VDR: variants seen among roughly 807,000 people sequenced by gnomAD.
VDR encodes the protein vitamin D3 receptor.
Under a neutral mutation model 39.7 loss-of-function variants are expected in VDR, and 19 were observed. That is an observed-to-expected ratio of 0.48 (90% confidence interval 0.33 to 0.70). VDR has a LOEUF of 0.70. Ranked by LOEUF, VDR falls within the 30% of genes least tolerant of loss-of-function variation. VDR has a pLI of 0.02. For synonymous variants in VDR, 242 were observed against 215.8 expected (o/e 1.12, Z -1.07); for missense variants, 442 against 570.5 (o/e 0.77, Z 2.29).
chr12:47,880,152 T>C (rs1946116227), intron 2 of VDR, among the ~76,000 whole-genome samples: 1 of 152,080 alleles, frequency 6.6e-6, no homozygotes, highest in South Asian at 2.1e-4. Flanking sequence ...TCATTACAGG[T>C]TTCAGTGACC....
chr12:47,901,767 A>G (rs1335446252), intron 1 of VDR, among the ~76,000 whole-genome samples: 1 of 152,160 alleles, frequency 6.6e-6, no homozygotes. Flanking sequence ...TGGCTCCACT[A>G]TGAACCCCAA....
At chr12:47,904,318 T>C (rs1946625940) in intron 1 of VDR, among the ~76,000 whole-genome samples, 1 of 151,834 alleles carries the variant, frequency 6.6e-6, no homozygotes, top group African/African-American at 2.4e-5. Flanking sequence ...CCAGGGCACC[T>C]CACTTTTCAA....
intron 4 of VDR, among the ~76,000 whole-genome samples, chr12:47,858,068 T>C (rs1945530753): frequency 8.8e-6 from 1 of 113,694 alleles, no homozygotes; most frequent in Non-Finnish European, 1.9e-5. Flanking sequence ...CCTTCCTCCA[T>C]AAAGTGTGTG....
intron 1 of VDR, among the ~76,000 whole-genome samples, chr12:47,894,404 G>T (rs1279856797): frequency 6.6e-6 from 1 of 152,252 alleles, no homozygotes; most frequent in Non-Finnish European, 1.5e-5. Context: ...TCAATTAAAA[G>T]ACTTGTGGGT....
intron 9 of VDR, among the ~76,000 whole-genome samples, chr12:47,846,069 C>T (rs1383381087): frequency 6.6e-6 from 1 of 152,234 alleles, no homozygotes; most frequent in Non-Finnish European, 1.5e-5. Context: ...CTGTCTGTGG[C>T]CCCAGGAACC....
intron 1 of VDR, chr12:47,899,933 G>A (rs11168293): frequency 1.0e-4 from 103 of 985,310 alleles, no homozygotes; most frequent in South Asian, 4.2e-4. Flanking sequence ...CCATTTCTCC[G>A]TCCAGCTGGG....
intron 7 of VDR, among the ~76,000 whole-genome samples, chr12:47,849,301 A>C (rs755275427): frequency 3.3e-5 from 5 of 152,316 alleles, no homozygotes; most frequent in Middle Eastern, 6.8e-3. Context: ...ATTGAAAAAA[A>C]ATCACAACGT....
intron 1 of VDR, chr12:47,904,603 C>T: frequency 6.5e-7 from 1 of 1,535,948 alleles, no homozygotes; most frequent in Non-Finnish European, 8.7e-7. Context: ...GACAGCCAAT[C>T]GCTCCTTTTC....
rs535822009 is a variant in VDR, at chr12:47,853,258, C to T, written c.755+2372G>A. Among the ~76,000 whole-genome samples the T allele has an allele frequency of 1.5e-3, 222 of 150,944 alleles. 1 individual carries two copies. Among genetic ancestry groups the T allele is most frequent in the South Asian group, 3.6e-3 (17 of 4,754 alleles). On this transcript the variant is annotated intron_variant, in intron 7 of 9. Transcript: ENST00000549336. ...GAGATCAAGACCATCCTGGCTAACA[C>T]GGTGAAACCCTGTCTCTACTAAAAA...
rs118107559 is a variant in VDR, at chr12:47,874,391, C to T, written c.146+4577G>A. Among the ~76,000 whole-genome samples the T allele has an allele frequency of 3.9e-4, 60 of 152,292 alleles. No homozygotes were observed. The East Asian group carries it at 0.011, about 29-fold the overall frequency. On this transcript the variant is annotated intron_variant, in intron 3 of 9. Transcript: ENST00000549336. ...TAGGTTTTAAATTCCTGGACATCTG[C>T]CCTATTTCTCTGCTTCCTTTCACAT... is the stretch of plus-strand genomic sequence containing the variant.
intron 1 of VDR, among the ~76,000 whole-genome samples, chr12:47,889,731 G>A (rs1946328511): frequency 6.6e-6 from 1 of 152,270 alleles, no homozygotes; most frequent in Non-Finnish European, 1.5e-5. Flanking sequence ...AAGGGAGAGA[G>A]TAGGTCCAGC....
chr12:47,848,056 T>C (rs926539355), intron 7 of VDR, among the ~76,000 whole-genome samples: 2 of 152,178 alleles, frequency 1.3e-5, no homozygotes, highest in Non-Finnish European at 2.9e-5. Context: ...CCCGCCACCA[T>C]GGCCAGCTAA....
intron 5 of VDR, 76 bp downstream of exon 5, chr12:47,857,428 G>C (rs1945513755): frequency 6.2e-7 from 1 of 1,609,516 alleles, no homozygotes; most frequent in Non-Finnish European, 8.5e-7. Flanking sequence ...CCTGCCCTCT[G>C]TCCCTACTCC....
At position 47,873,946 on chromosome 12, in the gene VDR, C is replaced by T. The variant is rs940507142; in HGVS notation, c.146+5022G>A. Among the ~76,000 whole-genome samples, 5 of 152,226 alleles carry T rather than the reference C, an allele frequency of 3.3e-5. No homozygotes were observed. The East Asian group carries it at 9.6e-4, about 29-fold the overall frequency. On this transcript the variant is annotated intron_variant, in intron 3 of 9. Transcript: ENST00000549336. The stretch of plus-strand genomic sequence containing the variant: ...ACATCTGACCATGCTCTCCACTGGC[C>T]CTGTATAACCCAAGCACAGGGAAGA...
chr12:47,882,627 C>CCCGGG, intron 2 of VDR, 67 bp downstream of exon 2: 1 of 562,066 alleles, frequency 1.8e-6, no homozygotes, highest in Non-Finnish European at 3.1e-6. Flanking sequence ...TCTTATGCCC[C>CCCGGG]TCCCCCCCAC....
chr12:47,856,641 A>G (rs777034734), intron 6 of VDR, among the ~76,000 whole-genome samples: 1 of 150,690 alleles, frequency 6.6e-6, no homozygotes, highest in Non-Finnish European at 1.5e-5. Context: ...AAAAAAAAAG[A>G]AAGGAAGGAA....
intron 4 of VDR, among the ~76,000 whole-genome samples, chr12:47,859,850 CTTCCTTCCTTCCTTCT>C (rs1385022883): frequency 0.07 from 4,291 of 61,554 alleles, 343 homozygotes; most frequent in African/African-American, 0.083. Context: ...CCCTTCCTTC[CTTCCTTCCTTCCTTCT>C]TTCCTTCCTT....
At chr12:47,878,940 C>A (rs752106017) in intron 3 of VDR, 28 bp downstream of exon 3, 1 of 1,614,146 alleles carries the variant, frequency 6.2e-7, no homozygotes, top group East Asian at 2.2e-5. Flanking sequence ...TCCCTTTCCA[C>A]TGGGGAGAGC....
At chr12:47,875,666 G>A (rs965073033) in intron 3 of VDR, among the ~76,000 whole-genome samples, 1 of 152,226 alleles carries the variant, frequency 6.6e-6, no homozygotes, top group African/African-American at 2.4e-5. Context: ...ATTCATGGTA[G>A]TTATGGTCTA....
Sources: allele counts gnomAD v4.1 joint callset (sites outside exome capture counted in the v4.1 genomes callset), GRCh38; gene constraint gnomAD v4.1.1; transcripts MANE v1.5; gene names NCBI Gene and HGNC (gene_info 2026-07-23, HGNC 2026-07-21).